The following ACACA variants were observed in gnomAD, a reference collection of about 807,000 sequenced individuals.
ACACA encodes the protein acetyl-CoA carboxylase alpha.
Under a neutral mutation model 296.1 loss-of-function variants are expected in ACACA, and 103 were observed. That is an observed-to-expected ratio of 0.35 (90% CI 0.30 to 0.41). The LOEUF is 0.41. Among genes scored for constraint, ACACA ranks in the 10% least tolerant of loss-of-function variants. The pLI is 1.00. For synonymous variants in ACACA, 953 were observed against 1,038.6 expected (o/e 0.92, Z 1.58); for missense variants, 1,554 against 2,989.7 (o/e 0.52, Z 11.20).
At chr17:37,327,520 A>T (rs2047676267) in intron 3 of ACACA, among the ~76,000 whole-genome samples, 1 of 152,196 alleles carries the variant, frequency 6.6e-6, no homozygotes, top group Non-Finnish European at 1.5e-5. Context: ...CATGCAAAGA[A>T]ATTCCAGACA....
chr17:37,257,678 T>C (rs1399648862), intron 14 of ACACA, 25 bp downstream of exon 14: 1 of 1,611,704 alleles, frequency 6.2e-7, no homozygotes, highest in East Asian at 2.2e-5. Context: ...TTTTGTAAAA[T>C]GCAATCAAAT....
At chr17:37,254,439 C>T (rs1409165214) in intron 14 of ACACA, among the ~76,000 whole-genome samples, 1 of 152,122 alleles carries the variant, frequency 6.6e-6, no homozygotes, top group Non-Finnish European at 1.5e-5. Flanking sequence ...AATTATCAAT[C>T]TAGATGTCAC....
intron 41 of ACACA, among the ~76,000 whole-genome samples, chr17:37,178,628 C>T (rs1250895103): frequency 6.6e-6 from 1 of 151,922 alleles, no homozygotes; most frequent in African/African-American, 2.4e-5. Flanking sequence ...GGTGAAACCC[C>T]ATCTCAAGAA....
chr17:37,248,877 C>T (rs1022588527), intron 16 of ACACA, among the ~76,000 whole-genome samples: 3 of 152,142 alleles, frequency 2.0e-5, no homozygotes, highest in African/African-American at 7.2e-5. Context: ...ATACACATTA[C>T]ATTAAATTTG....
At chr17:37,320,093 C>T (rs1386137427) in intron 3 of ACACA, among the ~76,000 whole-genome samples, 1 of 152,108 alleles carries the variant, frequency 6.6e-6, no homozygotes, top group African/African-American at 2.4e-5. Context: ...CCACTGCACT[C>T]CAGCCTGGAC....
At chr17:37,143,801 C>T in intron 45 of ACACA, 1 of 1,199,880 alleles carries the variant, frequency 8.3e-7, no homozygotes, top group South Asian at 1.2e-5. Context: ...TCAGGCTTTC[C>T]TTTAGCTCAA....
chr17:37,153,441 TCA>T (rs1216639410), intron 43 of ACACA, among the ~76,000 whole-genome samples: 1 of 152,194 alleles, frequency 6.6e-6, no homozygotes, highest in Non-Finnish European at 1.5e-5. Flanking sequence ...TCATAGTAGT[TCA>T]CAGTTTAACG....
chr17:37,281,634 A>G (rs28690443), intron 5 of ACACA, among the ~76,000 whole-genome samples: 98,448 of 152,018 alleles, frequency 0.65, 34,823 homozygotes, highest in East Asian at 0.99. Context: ...TTGGGAGGCC[A>G]AGGCAGGTGG....
chr17:37,095,005 G>A (rs570914340), intron 54 of ACACA, among the ~76,000 whole-genome samples: 11 of 151,982 alleles, frequency 7.2e-5, no homozygotes, highest in Non-Finnish European at 1.5e-4. Flanking sequence ...AGACGGCAGT[G>A]ACCTATTTCT....
intron 29 of ACACA, among the ~76,000 whole-genome samples, chr17:37,213,087 G>A (rs1194679318): frequency 6.6e-6 from 1 of 151,944 alleles, no homozygotes; most frequent in African/African-American, 2.4e-5. Context: ...GGAGACTGAG[G>A]TGGGTGGATC....
intron 51 of ACACA, 144 bp from the exon 52 acceptor site, chr17:37,111,787 C>T (rs1295364253): frequency 5.7e-6 from 4 of 702,240 alleles, no homozygotes; most frequent in Admixed American, 2.1e-5. Context: ...GACATCTCCC[C>T]GGGGAGAACA....
chr17:37,224,952 T>C (rs889197850), intron 27 of ACACA, 40 bp downstream of exon 27: 2 of 919,890 alleles, frequency 2.2e-6, no homozygotes, highest in African/African-American at 1.8e-5. Context: ...AGAGTCCAGA[T>C]AGGCAGGAAA....
intron 41 of ACACA, among the ~76,000 whole-genome samples, chr17:37,175,537 A>T (rs753337156): frequency 5.9e-5 from 9 of 152,230 alleles, no homozygotes; most frequent in Non-Finnish European, 7.3e-5. Context: ...TCAACAGCAC[A>T]CATTCATCTA....
chr17:37,125,863 C>T lies in ACACA; in HGVS notation c.5945-69G>A, dbSNP rs145212667. On this transcript the variant is annotated intron_variant, in intron 47 of 55. Coordinates refer to ENST00000616317, the MANE Select transcript of ACACA (RefSeq NM_198834.3). Reference sequence around the variant, plus strand: ...TCCATTGACAATGTGCTGGAACTGACGAATTTAAGGTGGTTTGGGGGATTA... The same window carrying T: ...TCCATTGACAATGTGCTGGAACTGATGAATTTAAGGTGGTTTGGGGGATTA... The T allele has an allele frequency of 1.0e-3, 1,391 of 1,370,360 alleles. 3 individuals carry two copies. The highest frequency in any genetic ancestry group is 1.1e-3 in the Admixed American group (61 of 56,048). 84.9% of individuals were successfully genotyped at this position (1,370,360 alleles called of 1,614,324 possible). A position where few individuals can be genotyped will look rare whatever the true frequency, so the allele number is the denominator to read the frequency against.
intron 54 of ACACA, among the ~76,000 whole-genome samples, chr17:37,091,211 C>T (rs2072608376): frequency 6.6e-6 from 1 of 152,198 alleles, no homozygotes. Flanking sequence ...TCTGCCTTCC[C>T]CTCCTGCAGC....
In ACACA at chr17:37,213,720, G is replaced by A. The variant is rs78052123; in HGVS notation, c.3684-3230C>T. Among the ~76,000 whole-genome samples, 66 of 152,246 alleles carry A rather than the reference G, an allele frequency of 4.3e-4. No individual in the cohort carries two copies. The East Asian group carries it at 0.013, about 29-fold the overall frequency. ...CAAGAGAAATCCTGTGAATTCTGAG[G>A]TTCCCGGCACTAAGTCACCTCTGAT... On this transcript the variant is annotated intron_variant, in intron 29 of 55. Transcript: ENST00000616317.
chr17:37,246,417 C>CT (rs1311546935), intron 19 of ACACA, among the ~76,000 whole-genome samples: 2 of 150,996 alleles, frequency 1.3e-5, no homozygotes, highest in African/African-American at 4.9e-5. Flanking sequence ...AATCTGTTAC[C>CT]TTTTTTTTTA....
chr17:37,265,105 T>C (rs1043588490), intron 10 of ACACA, among the ~76,000 whole-genome samples: 7 of 152,182 alleles, frequency 4.6e-5, no homozygotes, highest in African/African-American at 1.7e-4. Context: ...GAAGAAGCTG[T>C]AAGGCCTCTT....
intron 1 of ACACA, chr17:37,376,133 A>G (rs765214527): frequency 1.9e-6 from 3 of 1,612,502 alleles, no homozygotes; most frequent in African/African-American, 1.3e-5. Flanking sequence ...ATTGCATCCT[A>G]TGATGCCAAC....
Sources: gnomAD v4.1 joint callset for allele counts (sites outside exome capture counted in the v4.1 genomes callset) on GRCh38, gnomAD v4.1.1 for gene constraint, MANE v1.5 for transcripts, NCBI Gene and HGNC (gene_info 2026-07-23, HGNC 2026-07-21) for gene names.